Variants in GPR39 observed in about 807,000 individuals in gnomAD.
The protein encoded by GPR39 is zinc sensing receptor.
A neutral mutation model predicts 18.4 loss-of-function variants in GPR39; 23 were observed. That is an observed-to-expected ratio of 1.25 (90% CI 0.90 to 1.77). The LOEUF (loss-of-function observed/expected upper bound fraction) is 1.77. GPR39 is among the 40% of genes most tolerant of loss of function. GPR39 has a pLI of 0.00. For synonymous variants in GPR39, 280 were observed against 257.9 expected (o/e 1.09, Z -0.82); for missense variants, 647 against 602.4 (o/e 1.07, Z -0.78).
At position 132,446,230 on chromosome 2, in the gene GPR39, C is replaced by A. The variant is rs180708202; in HGVS notation, c.856+28332C>A. ...CATGGCAATAGCGTACTGCACTCAC[C>A]CTTTTATTCACCCATTAATAGTGAG... On this transcript the variant is annotated intron_variant, in intron 1 of 1. Transcript: ENST00000329321. 3.1e-3 allele frequency among the ~76,000 whole-genome samples: 471 copies of A among 152,294 alleles called. 2 individuals are homozygous for A. Among genetic ancestry groups the A allele is most frequent in the Admixed American group, 6.4e-3 (98 of 15,298 alleles).
chr2:132,477,154 G>A (rs1477654503), intron 1 of GPR39, among the ~76,000 whole-genome samples: 2 of 152,254 alleles, frequency 1.3e-5, no homozygotes, highest in Non-Finnish European at 2.9e-5. Flanking sequence ...AATGTTGTAA[G>A]AGAGTAAACA....
At chr2:132,604,638 T>C (rs1681101802) in intron 1 of GPR39, 1 of 152,220 alleles carries the variant, frequency 6.6e-6, no homozygotes, top group African/African-American at 2.4e-5. Context: ...GTGCTGCTTT[T>C]ATAGAAGGTT....
intron 1 of GPR39, among the ~76,000 whole-genome samples, chr2:132,595,567 C>T (rs1391184806): frequency 6.6e-6 from 1 of 152,232 alleles, no homozygotes; most frequent in South Asian, 2.1e-4. Flanking sequence ...ACTCAGAGTT[C>T]ATTTTCTGCT....
intron 1 of GPR39, among the ~76,000 whole-genome samples, chr2:132,449,724 C>T (rs1262670741): frequency 8.9e-6 from 1 of 111,766 alleles, no homozygotes; most frequent in Admixed American, 8.7e-5. Context: ...AAGCACTGAT[C>T]CTTTTTTTTA....
chr2:132,584,626 A>G lies in GPR39; in HGVS notation c.857-60475A>G, dbSNP rs546885104. ...CCAAGTCTCCAGTTCTTTCAGGGGAAAAAAAAAAAACGTAGTTACATTTCC... is the reference window on the plus strand; with the variant it reads ...CCAAGTCTCCAGTTCTTTCAGGGGAGAAAAAAAAAACGTAGTTACATTTCC... On this transcript the variant is annotated intron_variant, in intron 1 of 1. Coordinates refer to ENST00000329321, the MANE Select transcript of GPR39 (RefSeq NM_001508.3). Among the ~76,000 whole-genome samples the G allele has an allele frequency of 8.7e-3, 1,307 of 150,822 alleles. 17 individuals are homozygous for G. The highest frequency in any genetic ancestry group is 0.03 in the African/African-American group (1,215 of 41,182).
intron 1 of GPR39, among the ~76,000 whole-genome samples, chr2:132,617,983 C>T (rs1681367501): frequency 6.6e-6 from 1 of 152,168 alleles, no homozygotes; most frequent in African/African-American, 2.4e-5. Flanking sequence ...CCCTGATCTC[C>T]CTTTACTCCC....
At chr2:132,487,676 T>C (rs1681368818) in intron 1 of GPR39, among the ~76,000 whole-genome samples, 1 of 152,136 alleles carries the variant, frequency 6.6e-6, no homozygotes, top group Admixed American at 6.5e-5. Context: ...TAACAGCCAA[T>C]TAGACCTAGC....
At chr2:132,512,390 G>T (rs1679257172) in intron 1 of GPR39, among the ~76,000 whole-genome samples, 1 of 152,054 alleles carries the variant, frequency 6.6e-6, no homozygotes. Context: ...GATAAGGGGG[G>T]GTACAGCCCC....
chr2:132,562,763 A>T (rs1333024712), intron 1 of GPR39, among the ~76,000 whole-genome samples: 3 of 152,186 alleles, frequency 2.0e-5, no homozygotes, highest in Non-Finnish European at 4.4e-5. Flanking sequence ...GTATGCACTC[A>T]TGTAGCACAC....
At chr2:132,443,265 G>A (rs921983654) in intron 1 of GPR39, among the ~76,000 whole-genome samples, 1 of 152,168 alleles carries the variant, frequency 6.6e-6, no homozygotes, top group African/African-American at 2.4e-5. Flanking sequence ...AATAACTTAT[G>A]AATTATTTAT....
chr2:132,460,511 C>T (rs1006011460), intron 1 of GPR39, among the ~76,000 whole-genome samples: 1 of 152,134 alleles, frequency 6.6e-6, no homozygotes, highest in African/African-American at 2.4e-5. Flanking sequence ...GATTTCCAAA[C>T]ATGATAAAGG....
chr2:132,633,582 C>T (rs552692956), intron 1 of GPR39, among the ~76,000 whole-genome samples: 2 of 152,254 alleles, frequency 1.3e-5, no homozygotes, highest in African/African-American at 4.8e-5. Flanking sequence ...ATCTGACATC[C>T]TGTGGTTCTA....
At chr2:132,594,795 C>T (rs774575199) in intron 1 of GPR39, among the ~76,000 whole-genome samples, 2 of 151,954 alleles carry the variant, frequency 1.3e-5, no homozygotes, top group African/African-American at 2.4e-5. Flanking sequence ...CATTTACTAA[C>T]TCTCTTGGGA....
At chr2:132,510,405 C>A (rs538387917) in intron 1 of GPR39, among the ~76,000 whole-genome samples, 1 of 152,256 alleles carries the variant, frequency 6.6e-6, no homozygotes, top group Non-Finnish European at 1.5e-5. Flanking sequence ...TGTACCACAG[C>A]TGAGGGACCC....
At chr2:132,612,362 A>G (rs1681252341) in intron 1 of GPR39, among the ~76,000 whole-genome samples, 1 of 150,560 alleles carries the variant, frequency 6.6e-6, no homozygotes, top group African/African-American at 2.5e-5. Flanking sequence ...GGTGCATTTT[A>G]CATTTTTTGA....
At chr2:132,636,408 C>T (rs1442118554) in intron 1 of GPR39, among the ~76,000 whole-genome samples, 1 of 152,138 alleles carries the variant, frequency 6.6e-6, no homozygotes, top group Non-Finnish European at 1.5e-5. Context: ...ACTCAGGGAT[C>T]TCAGGAAAGG....
At chr2:132,604,013 T>C (rs1161442534) in intron 1 of GPR39, among the ~76,000 whole-genome samples, 1 of 151,846 alleles carries the variant, frequency 6.6e-6, no homozygotes, top group Non-Finnish European at 1.5e-5. Context: ...ACTGTGGAGG[T>C]TTGCATAAAT....
At chr2:132,545,003 G>A (rs527940408) in intron 1 of GPR39, among the ~76,000 whole-genome samples, 4 of 152,338 alleles carry the variant, frequency 2.6e-5, no homozygotes, top group East Asian at 1.9e-4. Flanking sequence ...AACAATCAGC[G>A]GAAAGTACAC....
chr2:132,582,560 T>A (rs1486161792), intron 1 of GPR39, among the ~76,000 whole-genome samples: 1 of 152,132 alleles, frequency 6.6e-6, no homozygotes, highest in East Asian at 1.9e-4. Context: ...CTCTCCAGCC[T>A]TACAGAGCCA....
Sources: gnomAD v4.1 joint callset for allele counts (sites outside exome capture counted in the v4.1 genomes callset) on GRCh38, gnomAD v4.1.1 for gene constraint, MANE v1.5 for transcripts, NCBI Gene and HGNC (gene_info 2026-07-23, HGNC 2026-07-21) for gene names.